The following OGFOD3 variants were observed in gnomAD, a reference collection of about 807,000 sequenced individuals.
OGFOD3 encodes 2-oxoglutarate and iron dependent oxygenase domain containing 3.
OGFOD3 carries 35 observed loss-of-function variants against 39.8 expected under a neutral mutation model. The observed-to-expected ratio is 0.88, with a 90% CI of 0.67 to 1.17. OGFOD3 has a LOEUF of 1.17. Ranked by LOEUF, OGFOD3 falls within the 50% of genes most tolerant of loss-of-function variation. OGFOD3 has a pLI of 0.00. For missense variants in OGFOD3, 438 were observed against 454.5 expected, an observed-to-expected ratio of 0.96 and a Z score of 0.33; for synonymous variants, 200 against 192.0, an observed-to-expected ratio of 1.04 and a Z score of -0.34.
intron 7 of OGFOD3, among the ~76,000 whole-genome samples, chr17:82,400,442 G>C (rs1040046104): frequency 6.6e-6 from 1 of 152,208 alleles, no homozygotes; most frequent in Non-Finnish European, 1.5e-5. Context: ...TCCATGATCT[G>C]ACAGCCACAG....
chr17:82,409,456 T>TTCG lies in OGFOD3; in HGVS notation c.381-47_381-46insCGA, dbSNP rs1474489755. 3.8e-6 allele frequency: 6 copies of TTCG among 1,584,440 alleles called. No individual in the cohort carries two copies. The South Asian group carries it at 6.6e-5, about 18-fold the overall frequency. On this transcript the variant is annotated intron_variant, in intron 3 of 8. Coordinates refer to ENST00000313056, the MANE Select transcript of OGFOD3 (RefSeq NM_024648.3). Reference sequence around the variant, plus strand: ...AGAATTTCGTTGCTAGAATTGTCTATAATGTATAATCTAGGCAAACGTCAA... The same window carrying TTCG: ...AGAATTTCGTTGCTAGAATTGTCTATTCGAATGTATAATCTAGGCAAACGTCAA...
rs528407724 is a variant in OGFOD3, at chr17:82,414,995, C to T, written c.304+403G>A. Among the ~76,000 whole-genome samples the T allele has an allele frequency of 2.0e-5, 3 of 152,282 alleles. No individual in the cohort carries two copies. The South Asian group carries it at 6.2e-4, about 32-fold the overall frequency. On this transcript the variant is annotated intron_variant, in intron 2 of 8. Coordinates refer to ENST00000313056, the MANE Select transcript of OGFOD3 (RefSeq NM_024648.3). ...CACCACCTCCCGCATCTCTCAGGCC[C>T]AGGCAGAACGGGAGCGGGGGAGGGG...
At chr17:82,400,285 GC>G (rs1318715385) in intron 7 of OGFOD3, among the ~76,000 whole-genome samples, 2 of 149,926 alleles carry the variant, frequency 1.3e-5, no homozygotes, top group Admixed American at 6.7e-5. Context: ...CCTCACAGAT[GC>G]CCCCCGGAGT....
chr17:82,415,685 T>TGG lies in OGFOD3; in HGVS notation c.75-59_75-58insCC. 1 of 1,432,208 alleles carries TGG rather than the reference T, an allele frequency of 7.0e-7. No homozygotes were observed. Among genetic ancestry groups the TGG allele is most frequent in the Non-Finnish European group, 9.5e-7 (1 of 1,053,612 alleles). 88.7% of individuals were successfully genotyped at this position (1,432,208 alleles called of 1,614,324 possible). A position where few individuals can be genotyped will look rare whatever the true frequency, so the allele number is the denominator to read the frequency against. The stretch of plus-strand genomic sequence containing the variant: ...CACGGAGTGAGGCCAGAGAAAACGC[T>TGG]CCCCGATCATCAAAGTGCATGCACC... On this transcript the variant is annotated intron_variant, in intron 1 of 8. Transcript: ENST00000313056. The surrounding 1 kb of genome is among the most constrained non-coding windows in gnomAD (Gnocchi z 5.3).
In OGFOD3 at chr17:82,408,976, G is replaced by A. The variant is rs115388714; in HGVS notation, c.423+392C>T. ...ATGCGTTGCAGCGTGTCTGTCCCACGGAGGCCCTGCTGTTTCCCGGCAGCT... is the reference window on the plus strand; with the variant it reads ...ATGCGTTGCAGCGTGTCTGTCCCACAGAGGCCCTGCTGTTTCCCGGCAGCT... On this transcript the variant is annotated intron_variant, in intron 4 of 8. Coordinates refer to ENST00000313056, the MANE Select transcript of OGFOD3 (RefSeq NM_024648.3). Among the ~76,000 whole-genome samples the A allele has an allele frequency of 4.5e-3, 686 of 152,248 alleles. 6 individuals carry two copies. The highest frequency in any genetic ancestry group is 0.016 in the African/African-American group (669 of 41,548).
chr17:82,389,542 T>G lies in OGFOD3; in HGVS notation c.*2856A>C, dbSNP rs2052578041. ...TTTTTTGAGACAGTATCTTGCTGTCTCCCAGGCTGGAATGCAGTGGAGCCG... is the reference window on the plus strand; with the variant it reads ...TTTTTTGAGACAGTATCTTGCTGTCGCCCAGGCTGGAATGCAGTGGAGCCG... On this transcript the variant is annotated 3_prime_UTR_variant, in exon 9 of 9. Transcript: ENST00000313056. The surrounding 1 kb of genome is among the most constrained non-coding windows in gnomAD (Gnocchi z 4.6). 6.6e-6 allele frequency: 1 copy of G among 152,304 alleles called. No homozygotes were observed. The highest frequency in any genetic ancestry group is 1.5e-5 in the Non-Finnish European group (1 of 68,036). 9.4% of individuals were successfully genotyped at this position (152,304 alleles called of 1,614,324 possible).
At position 82,415,556 on chromosome 17, in the gene OGFOD3, A is replaced by AG; in HGVS notation, c.145dup (p.Leu49ProfsTer44). 1 of 1,613,428 alleles carries AG rather than the reference A, an allele frequency of 6.2e-7. No homozygotes were observed. Among genetic ancestry groups the AG allele is most frequent in the Non-Finnish European group, 8.5e-7 (1 of 1,179,930 alleles). ...TGCGGTGAGCACAAAGCCAGCCCCC[A>AG]GGCCCGCGGTCCTTAGCCACGGCCT... On this transcript the variant is annotated frameshift_variant, in exon 2 of 9. Coordinates refer to ENST00000313056, the MANE Select transcript of OGFOD3 (RefSeq NM_024648.3). LOFTEE classifies it high-confidence loss of function. This position sits in a 1 kb window ranked among gnomAD's most constrained non-coding sequence, Gnocchi z 5.3.
At position 82,392,041 on chromosome 17, in the gene OGFOD3, T is replaced by C; in HGVS notation, c.*357A>G. ...TTTATGGCTGATGCTTTAGCCAGTC[T>C]TTGATGGGCCGGGGGGTTGCTGAAC... On this transcript the variant is annotated 3_prime_UTR_variant, in exon 9 of 9. Coordinates refer to ENST00000313056, the MANE Select transcript of OGFOD3 (RefSeq NM_024648.3). This position sits in a 1 kb window ranked among gnomAD's most constrained non-coding sequence, Gnocchi z 4.2. The C allele has an allele frequency of 3.9e-6, 1 of 259,120 alleles. No individual in the cohort carries two copies. 16.1% of individuals were successfully genotyped at this position (259,120 alleles called of 1,614,324 possible). A position where few individuals can be genotyped will look rare whatever the true frequency, so the allele number is the denominator to read the frequency against.
Position 82,392,145 on chromosome 17 carries a change from T to C in OGFOD3, c.*253A>G, listed in dbSNP as rs2052604849. The C allele has an allele frequency of 1.8e-6, 1 of 555,450 alleles. No homozygotes were observed. Among genetic ancestry groups the C allele is most frequent in the South Asian group, 2.2e-5 (1 of 46,294 alleles). 34.4% of individuals were successfully genotyped at this position (555,450 alleles called of 1,614,324 possible). On this transcript the variant is annotated 3_prime_UTR_variant, in exon 9 of 9. Coordinates refer to ENST00000313056, the MANE Select transcript of OGFOD3 (RefSeq NM_024648.3). The surrounding 1 kb of genome is among the most constrained non-coding windows in gnomAD (Gnocchi z 4.2). ...ACAGATGGGGACTTGTGCCCCGTCC[T>C]GCTGGGTCCCTTTCCTGGCCTCCAC...
intron 7 of OGFOD3, among the ~76,000 whole-genome samples, chr17:82,401,803 C>CAAAAAA (rs79956747): frequency 0.019 from 1,157 of 61,574 alleles, 40 homozygotes; most frequent in Non-Finnish European, 0.024. Flanking sequence ...GACTCCATCT[C>CAAAAAA]AAAAAAAAAA....
At position 82,406,778 on chromosome 17, in the gene OGFOD3, T is replaced by G. The variant is rs2052863154; in HGVS notation, c.424-296A>C. 6.6e-6 allele frequency among the ~76,000 whole-genome samples: 1 copy of G among 152,160 alleles called. No individual in the cohort carries two copies. Among genetic ancestry groups the G allele is most frequent in the Non-Finnish European group, 1.5e-5 (1 of 68,030 alleles). ...CACCACACCTGGCTAATTTTTCTAT[T>G]TTTTGTAGAGATGTGGTCTCACTAT... On this transcript the variant is annotated intron_variant, in intron 4 of 8. Transcript: ENST00000313056. The surrounding 1 kb of genome is among the most constrained non-coding windows in gnomAD (Gnocchi z 5.2).
chr17:82,406,334 G>T lies in OGFOD3; in HGVS notation c.488+84C>A. The stretch of plus-strand genomic sequence containing the variant: ...GCCGGATCCTCCCTCACATGTCCAC[G>T]TGTCCACATGTCCATGGCTAAGAGG... On this transcript the variant is annotated intron_variant, in intron 5 of 8. Transcript: ENST00000313056. The surrounding 1 kb of genome is among the most constrained non-coding windows in gnomAD (Gnocchi z 5.2). 1 of 1,248,210 alleles carries T rather than the reference G, an allele frequency of 8.0e-7. No individual in the cohort carries two copies. Among genetic ancestry groups the T allele is most frequent in the Non-Finnish European group, 1.2e-6 (1 of 853,452 alleles). 77.3% of individuals were successfully genotyped at this position (1,248,210 alleles called of 1,614,324 possible). A position where few individuals can be genotyped will look rare whatever the true frequency, so the allele number is the denominator to read the frequency against.
At chr17:82,416,318 T>C (rs1394621800) in intron 1 of OGFOD3, among the ~76,000 whole-genome samples, 1 of 151,894 alleles carries the variant, frequency 6.6e-6, no homozygotes, top group Non-Finnish European at 1.5e-5. Context: ...TTTAAAAGGG[T>C]TTGCTTAGCA....
At chr17:82,411,619 G>A (rs956741429) in intron 2 of OGFOD3, 89 bp from the exon 3 acceptor site, 61 of 981,330 alleles carry the variant, frequency 6.2e-5, no homozygotes, top group Non-Finnish European at 9.3e-5. Context: ...TGGCTAATAC[G>A]CCCGGTCAAA....
chr17:82,418,471 C>G lies in OGFOD3; in HGVS notation c.15G>C (p.Arg5=), dbSNP rs1390534916. 2.9e-5 allele frequency: 42 copies of G among 1,470,176 alleles called. No individual in the cohort carries two copies. The Admixed American group carries it at 5.6e-4, about 20-fold the overall frequency. The allele number at this position is 1,470,176 out of a possible 1,614,324, so 91.1% of individuals were successfully genotyped here. A position where few individuals can be genotyped will look rare whatever the true frequency, so the allele number is the denominator to read the frequency against. MAPQ[R]RAATKAPEGN... is the part of the protein sequence containing the mutation. ...CCTCGGGCGCCTTGGTTGCGGCCCT[C>G]CGCTGAGGAGCCATCGGACCAGGCC... Residue 5 remains arginine, a synonymous_variant, in exon 1 of 9, where the codon CGG becomes CGC. Coordinates refer to ENST00000313056, the MANE Select transcript of OGFOD3 (RefSeq NM_024648.3).
intron 2 of OGFOD3, among the ~76,000 whole-genome samples, chr17:82,413,876 TC>T (rs2052992002): frequency 2.1e-5 from 2 of 97,252 alleles, no homozygotes; most frequent in African/African-American, 7.5e-5. Flanking sequence ...TGACACTCTG[TC>T]CAAAAAAAAA....
At chr17:82,405,281 G>A (rs776142720) in intron 6 of OGFOD3, 43 bp downstream of exon 6, 2 of 1,576,914 alleles carry the variant, frequency 1.3e-6, no homozygotes, top group South Asian at 2.2e-5. Flanking sequence ...TCAGCCCCAG[G>A]CCACCCCGCC....
In OGFOD3 at chr17:82,392,705, G is replaced by C. The variant is rs1298068983; in HGVS notation, c.824-171C>G. The C allele has an allele frequency of 2.5e-6, 2 of 806,676 alleles. No homozygotes were observed. The highest frequency in any genetic ancestry group is 5.4e-5 in the East Asian group (2 of 36,754). The allele number at this position is 806,676 out of a possible 1,614,324, so 50.0% of individuals were successfully genotyped here. On this transcript the variant is annotated intron_variant, in intron 8 of 8. Coordinates refer to ENST00000313056, the MANE Select transcript of OGFOD3 (RefSeq NM_024648.3). This position sits in a 1 kb window ranked among gnomAD's most constrained non-coding sequence, Gnocchi z 4.2. Reference sequence around the variant, plus strand: ...GCTTCTGCAGGAAGGAGGAGCTGGAGAAACAAACGCAGCAATGCTCAGGGG... The same window carrying C: ...GCTTCTGCAGGAAGGAGGAGCTGGACAAACAAACGCAGCAATGCTCAGGGG...
chr17:82,414,677 C>A (rs1007054174), intron 2 of OGFOD3, among the ~76,000 whole-genome samples: 12 of 152,184 alleles, frequency 7.9e-5, no homozygotes, highest in Admixed American at 5.2e-4. Flanking sequence ...CAACGGCGCC[C>A]CTTTGTGGAA....
Sources: allele counts gnomAD v4.1 joint callset (sites outside exome capture counted in the v4.1 genomes callset), GRCh38; gene constraint gnomAD v4.1.1; non-coding constraint Gnocchi (gnomAD v3.1); transcripts MANE v1.5; gene names NCBI Gene and HGNC (gene_info 2026-07-23, HGNC 2026-07-21).